KCNT2: variants seen among roughly 807,000 people sequenced by gnomAD.
KCNT2 encodes potassium sodium-activated channel subfamily T member 2.
In KCNT2, 67 loss-of-function variants were observed where a neutral mutation model predicts 153.8. The ratio of observed to expected loss-of-function variants is 0.44; its 90% confidence interval spans 0.36 to 0.53. The LOEUF (loss-of-function observed/expected upper bound fraction) is 0.53. KCNT2 is among the 20% of genes least tolerant of loss of function. KCNT2 has a pLI of 0.00. For synonymous variants in KCNT2, 500 were observed against 458.8 expected (o/e 1.09, Z -1.15); for missense variants, 975 against 1,354.8 (o/e 0.72, Z 4.40).
At position 196,589,229 on chromosome 1, in the gene KCNT2, A is replaced by G. The variant is rs555547778; in HGVS notation, c.95+18986T>C. Among the ~76,000 whole-genome samples, 555 of 149,808 alleles carry G rather than the reference A, an allele frequency of 3.7e-3. 3 individuals are homozygous for G. The highest frequency in any genetic ancestry group is 0.013 in the African/African-American group (520 of 41,326). On this transcript the variant is annotated intron_variant, in intron 1 of 27. Coordinates refer to ENST00000294725, the MANE Select transcript of KCNT2 (RefSeq NM_198503.5). Reference sequence around the variant, plus strand: ...CTATTGTATAACTCCACTTGTGTAAACATAATCCTTAAAGTCACTATATAT... The same window carrying G: ...CTATTGTATAACTCCACTTGTGTAAGCATAATCCTTAAAGTCACTATATAT...
intron 12 of KCNT2, among the ~76,000 whole-genome samples, chr1:196,421,440 A>G (rs902964592): frequency 7.2e-5 from 11 of 152,064 alleles, no homozygotes; most frequent in African/African-American, 2.4e-4. Flanking sequence ...TCACAATTAC[A>G]TAAGTCAACC....
intron 8 of KCNT2, among the ~76,000 whole-genome samples, chr1:196,442,435 C>A (rs1675316456): frequency 1.3e-5 from 2 of 151,738 alleles, no homozygotes; most frequent in Admixed American, 6.6e-5. Context: ...AGCATGACTG[C>A]TTCCTTGATG....
intron 1 of KCNT2, among the ~76,000 whole-genome samples, chr1:196,510,732 C>T (rs1045033371): frequency 7.5e-4 from 114 of 152,294 alleles, no homozygotes; most frequent in African/African-American, 2.6e-3. Flanking sequence ...GGATATTCTC[C>T]AGCTGCCAGC....
At chr1:196,254,414 A>T (rs1656276809) in intron 26 of KCNT2, among the ~76,000 whole-genome samples, 1 of 151,542 alleles carries the variant, frequency 6.6e-6, no homozygotes, top group Admixed American at 6.6e-5. Flanking sequence ...TGAAATAGTA[A>T]ATTGTTAGTG....
In KCNT2 at chr1:196,425,867, T is replaced by C. The variant is rs1321937929; in HGVS notation, c.1106A>G (p.Asp369Gly). 1 of 1,612,408 alleles carries C rather than the reference T, an allele frequency of 6.2e-7. No homozygotes were observed. Among genetic ancestry groups the C allele is most frequent in the Non-Finnish European group, 8.5e-7 (1 of 1,178,928 alleles). ...GGATACCTACTTTGCTCTCAATAGG[T>C]CTTGATCTTTAAGGGCTGAACCTTG... is the stretch of plus-strand genomic sequence containing the variant. ...YLQGSALKDQ[D>G]LLRAKMDDAE... The change falls in exon 11 of 28, where the codon GAC (aspartate) becomes GGC (glycine). Residue 369 changes from aspartate to glycine, a missense_variant. By Grantham distance (94) the Asp-to-Gly change is moderately conservative. Coordinates refer to ENST00000294725, the MANE Select transcript of KCNT2 (RefSeq NM_198503.5).
At chr1:196,537,874 C>G (rs1212312612) in intron 1 of KCNT2, among the ~76,000 whole-genome samples, 1 of 152,172 alleles carries the variant, frequency 6.6e-6, no homozygotes, top group Non-Finnish European at 1.5e-5. Context: ...ATTGGAGCAC[C>G]TTCCCCTTCT....
At chr1:196,567,002 AAAATGCATCAATAAATACACAAAT>A in intron 1 of KCNT2, among the ~76,000 whole-genome samples, 1 of 152,300 alleles carries the variant, frequency 6.6e-6, no homozygotes, top group South Asian at 2.1e-4. Context: ...AATATGTACT[AAAATGCATCAATAAATACACAAAT>A]AAATGCAAGA....
chr1:196,458,383 G>T (rs913172678), intron 8 of KCNT2, among the ~76,000 whole-genome samples: 1 of 151,814 alleles, frequency 6.6e-6, no homozygotes, highest in African/African-American at 2.4e-5. Flanking sequence ...AGAATATACT[G>T]TGGAGTTTGC....
At chr1:196,307,679 G>A (rs950500020) in intron 21 of KCNT2, among the ~76,000 whole-genome samples, 1 of 152,054 alleles carries the variant, frequency 6.6e-6, no homozygotes, top group African/African-American at 2.4e-5. Context: ...ATAGTTTATG[G>A]AGAAACATTG....
chr1:196,251,020 T>C (rs919647579), intron 26 of KCNT2, among the ~76,000 whole-genome samples: 6 of 152,068 alleles, frequency 3.9e-5, no homozygotes, highest in Non-Finnish European at 7.4e-5. Flanking sequence ...ACACTGTTGG[T>C]GGGAACGTAA....
At chr1:196,436,191 T>A (rs966874577) in intron 8 of KCNT2, among the ~76,000 whole-genome samples, 3 of 151,646 alleles carry the variant, frequency 2.0e-5, no homozygotes, top group African/African-American at 7.2e-5. Flanking sequence ...GTGGAAAACA[T>A]TGTTTAATTG....
intron 5 of KCNT2, among the ~76,000 whole-genome samples, chr1:196,477,641 C>CA (rs1487017192): frequency 6.6e-6 from 1 of 151,988 alleles, no homozygotes; most frequent in African/African-American, 2.4e-5. Context: ...ATGAGTTCCC[C>CA]AAAAACATAA....
chr1:196,256,243 G>A lies in KCNT2; in HGVS notation c.3211+1951C>T, dbSNP rs1371310055. On this transcript the variant is annotated intron_variant, in intron 26 of 27. Coordinates refer to ENST00000294725, the MANE Select transcript of KCNT2 (RefSeq NM_198503.5). ...TCAAGTTTATAAACCTGGTACCACT[G>A]AGCCATTTTTTAAGCCTGGTATATC... Among the ~76,000 whole-genome samples, 5 of 151,896 alleles carry A rather than the reference G, an allele frequency of 3.3e-5. No homozygotes were observed. The East Asian group carries it at 7.8e-4, about 24-fold the overall frequency.
intron 1 of KCNT2, among the ~76,000 whole-genome samples, chr1:196,570,703 C>T (rs1244492406): frequency 6.6e-6 from 1 of 152,024 alleles, no homozygotes; most frequent in Non-Finnish European, 1.5e-5. Context: ...ATGGGGATGC[C>T]TAGGATTCTC....
intron 1 of KCNT2, among the ~76,000 whole-genome samples, chr1:196,516,322 C>T (rs890324375): frequency 6.6e-5 from 10 of 152,076 alleles, no homozygotes; most frequent in South Asian, 4.2e-4. Flanking sequence ...TTAGGGACTG[C>T]GGTGGTCCCC....
At chr1:196,490,683 T>G (rs1679791456) in intron 2 of KCNT2, among the ~76,000 whole-genome samples, 1 of 151,770 alleles carries the variant, frequency 6.6e-6, no homozygotes, top group Non-Finnish European at 1.5e-5. Flanking sequence ...TGTATGTATC[T>G]TCTAAACTGT....
chr1:196,294,968 T>A (rs1660547394), intron 22 of KCNT2, among the ~76,000 whole-genome samples: 1 of 151,542 alleles, frequency 6.6e-6, no homozygotes, highest in African/African-American at 2.4e-5. Flanking sequence ...AGCTTAGTGA[T>A]CTATTGCAAA....
chr1:196,306,899 C>T (rs1661687005), intron 21 of KCNT2, among the ~76,000 whole-genome samples: 2 of 151,810 alleles, frequency 1.3e-5, no homozygotes, highest in Admixed American at 6.6e-5. Flanking sequence ...TAAGTATATA[C>T]GTATTTTTCT....
At chr1:196,470,876 CTTTTTTT>C (rs71154745) in intron 5 of KCNT2, among the ~76,000 whole-genome samples, 4 of 75,898 alleles carry the variant, frequency 5.3e-5, no homozygotes, top group Non-Finnish European at 7.9e-5. Context: ...TTCTTTCTTT[CTTTTTTT>C]TTTTTTTTTT....
Sources: gnomAD v4.1 joint callset for allele counts (sites outside exome capture counted in the v4.1 genomes callset) on GRCh38, gnomAD v4.1.1 for gene constraint, MANE v1.5 for transcripts, NCBI Gene and HGNC (gene_info 2026-07-23, HGNC 2026-07-21) for gene names.